PRRC2C: variants seen among roughly 807,000 people sequenced by gnomAD.
The protein encoded by PRRC2C is proline rich coiled-coil 2C.
A neutral mutation model predicts 317.2 loss-of-function variants in PRRC2C; 72 were observed. That is an observed-to-expected ratio of 0.23 (90% CI 0.19 to 0.28). The LOEUF (loss-of-function observed/expected upper bound fraction) is 0.28. PRRC2C is among the 10% of genes least tolerant of loss of function. The pLI, the probability that PRRC2C is intolerant of heterozygous loss-of-function variation, is 1.00. For missense variants in PRRC2C, 3,074 were observed against 3,459.7 expected, an observed-to-expected ratio of 0.89 and a Z score of 2.80; for synonymous variants, 1,296 against 1,205.9, an observed-to-expected ratio of 1.07 and a Z score of -1.55.
chr1:171,512,093 C>A lies in PRRC2C; in HGVS notation c.5C>A (p.Ser2Ter). Residue 2 changes from serine to a stop codon, truncating the protein, a stop_gained, in exon 2 of 35, where the codon TCG becomes TAG. Coordinates refer to ENST00000647382, the MANE Select transcript of PRRC2C (RefSeq NM_001387844.1). LOFTEE classifies it high-confidence loss of function. ...ACTCGATGAGTTTCCACCGAAATGT[C>A]GGAGAAGTCAGGCCAGAGCACAAAA... The part of the protein sequence containing the change: M[S>*]EKSGQSTKAK... 1.9e-6 allele frequency: 3 copies of A among 1,559,418 alleles called. No homozygotes were observed. Among genetic ancestry groups the A allele is most frequent in the South Asian group, 2.4e-5 (2 of 84,240 alleles).
intron 1 of PRRC2C, chr1:171,510,964 C>T (rs1671260200): frequency 6.6e-6 from 1 of 152,100 alleles, no homozygotes; most frequent in African/African-American, 2.4e-5. Context: ...ATTTTACATG[C>T]ATATAAAATG....
intron 11 of PRRC2C, among the ~76,000 whole-genome samples, chr1:171,530,343 A>G (rs975762822): frequency 1.4e-5 from 2 of 144,870 alleles, no homozygotes; most frequent in Admixed American, 7.3e-5. Flanking sequence ...TCCTGGGCTC[A>G]AGCGATCCTC....
At chr1:171,538,825 C>T (rs914409639) in intron 15 of PRRC2C, among the ~76,000 whole-genome samples, 1 of 152,168 alleles carries the variant, frequency 6.6e-6, no homozygotes, top group Non-Finnish European at 1.5e-5. Context: ...GATCCTCTCA[C>T]CTCAGCCTCC....
chr1:171,512,261 C>A, intron 2 of PRRC2C, 61 bp downstream of exon 2: 1 of 1,178,400 alleles, frequency 8.5e-7, no homozygotes, highest in African/African-American at 1.5e-5. Flanking sequence ...ATAAGTGATA[C>A]ACCTGCTGCT....
rs141739202 is a variant in PRRC2C, at chr1:171,555,625, A to G, written c.5128-1615A>G. Among the ~76,000 whole-genome samples the G allele has an allele frequency of 3.9e-3, 586 of 152,182 alleles. 3 individuals are homozygous for G. Among genetic ancestry groups the G allele is most frequent in the African/African-American group, 0.013 (535 of 41,530 alleles). On this transcript the variant is annotated intron_variant, in intron 18 of 34. Transcript: ENST00000647382. ...TTTTATTTACCTTTGGTCTTTGATG[A>G]TGGTGACCTACAGATGGGGTTTTGG...
intron 1 of PRRC2C, among the ~76,000 whole-genome samples, chr1:171,487,576 C>G (rs1666358486): frequency 6.6e-6 from 1 of 152,104 alleles, no homozygotes; most frequent in African/African-American, 2.4e-5. Context: ...AAAACTAACT[C>G]TACCATGTCG....
chr1:171,582,789 G>A (rs1268149702), intron 28 of PRRC2C, among the ~76,000 whole-genome samples: 1 of 151,290 alleles, frequency 6.6e-6, no homozygotes, highest in Non-Finnish European at 1.5e-5. Context: ...GTCAGTGAGT[G>A]AGTGGCGAGT....
rs1345642212 is a variant in PRRC2C, at chr1:171,568,387, A to T, written c.6651+48A>T. 5.8e-6 allele frequency: 9 copies of T among 1,553,824 alleles called. No individual in the cohort carries two copies. The East Asian group carries it at 9.5e-5, about 16-fold the overall frequency. On this transcript the variant is annotated intron_variant, in intron 23 of 34. Coordinates refer to ENST00000647382, the MANE Select transcript of PRRC2C (RefSeq NM_001387844.1). ...GGCAAGTTTGGATTGGAACCTGGCT[A>T]TTATTATCAAGCACATTATTTCATG... is the stretch of plus-strand genomic sequence containing the variant.
chr1:171,535,968 T>A (rs1458596735), intron 13 of PRRC2C, 61 bp from the exon 14 acceptor site: 2 of 1,525,452 alleles, frequency 1.3e-6, no homozygotes, highest in African/African-American at 2.8e-5. Flanking sequence ...GTGATATGAT[T>A]GATTATGTTA....
Position 171,517,793 on chromosome 1 carries a change from T to C in PRRC2C, c.729T>C (p.Tyr243=). ...NGQQAALASQ[Y]RAMMPPYMFQ... is the part of the protein sequence containing the mutation. ...AGCAGGCTGCTCTCGCTTCCCAGTA[T>C]AGAGCTATGATGCCTCCTTATGTGA... The change falls in exon 6 of 35, where the codon TAT becomes TAC. Residue 243 remains tyrosine (Y), a synonymous_variant. Transcript: ENST00000647382. 6.2e-7 allele frequency: 1 copy of C among 1,613,266 alleles called. No individual in the cohort carries two copies. Among genetic ancestry groups the C allele is most frequent in the East Asian group, 2.2e-5 (1 of 44,886 alleles).
chr1:171,578,785 G>A (rs748053579), intron 26 of PRRC2C, among the ~76,000 whole-genome samples: 1 of 151,836 alleles, frequency 6.6e-6, no homozygotes, highest in African/African-American at 2.4e-5. Flanking sequence ...GCTTGAACCC[G>A]GGAGGTGGAG....
intron 20 of PRRC2C, among the ~76,000 whole-genome samples, chr1:171,563,595 T>A (rs1158828332): frequency 6.6e-6 from 1 of 152,186 alleles, no homozygotes; most frequent in Non-Finnish European, 1.5e-5. Context: ...ATTTTAATTT[T>A]TGTATAGCCT....
At chr1:171,491,344 A>T (rs933924104) in intron 1 of PRRC2C, among the ~76,000 whole-genome samples, 3 of 152,224 alleles carry the variant, frequency 2.0e-5, no homozygotes, top group Admixed American at 6.5e-5. Context: ...AAGATGCTGG[A>T]CTGAAGGAAG....
At chr1:171,547,649 T>TG (rs1456228915) in intron 17 of PRRC2C, among the ~76,000 whole-genome samples, 3 of 147,940 alleles carry the variant, frequency 2.0e-5, no homozygotes, top group African/African-American at 7.5e-5. Context: ...TTTTTTTGTT[T>TG]TTTTTTTTTT....
At chr1:171,493,318 A>G (rs1667524872) in intron 1 of PRRC2C, among the ~76,000 whole-genome samples, 1 of 152,172 alleles carries the variant, frequency 6.6e-6, no homozygotes, top group Admixed American at 6.5e-5. Context: ...ATAACATTCA[A>G]CATACTTTGG....
Position 171,541,813 on chromosome 1 carries a change from A to G in PRRC2C, c.4347A>G (p.Ser1449=). 1 of 1,613,974 alleles carries G rather than the reference A, an allele frequency of 6.2e-7. No individual in the cohort carries two copies. Among genetic ancestry groups the G allele is most frequent in the Non-Finnish European group, 8.5e-7 (1 of 1,179,896 alleles). ...FRRLREREAA[S]KSNEVVAVPT... is the part of the protein sequence containing the mutation. Reference sequence around the variant, plus strand: ...GGCTAAGAGAGAGGGAGGCTGCTTCAAAATCAAATGAGGTGGTAGCAGTGC... The same window carrying G: ...GGCTAAGAGAGAGGGAGGCTGCTTCGAAATCAAATGAGGTGGTAGCAGTGC... The change falls in exon 16 of 35, where the codon TCA becomes TCG. Residue 1449 remains serine (S), a synonymous_variant. Coordinates refer to ENST00000647382, the MANE Select transcript of PRRC2C (RefSeq NM_001387844.1). This position sits in a 1 kb window ranked among gnomAD's most constrained non-coding sequence, Gnocchi z 4.1.
At chr1:171,509,155 G>A (rs1313817329) in intron 1 of PRRC2C, among the ~76,000 whole-genome samples, 1 of 152,206 alleles carries the variant, frequency 6.6e-6, no homozygotes, top group Non-Finnish European at 1.5e-5. Context: ...AAAGTGCTGG[G>A]ATTACAGGCC....
At chr1:171,486,007 G>GC (rs1392811279) in intron 1 of PRRC2C, among the ~76,000 whole-genome samples, 1 of 151,880 alleles carries the variant, frequency 6.6e-6, no homozygotes, top group East Asian at 1.9e-4. Context: ...GGTCTGTCTT[G>GC]CTCCCACCTA....
chr1:171,530,404 C>T (rs897998708), intron 11 of PRRC2C, among the ~76,000 whole-genome samples: 11 of 151,564 alleles, frequency 7.3e-5, no homozygotes, highest in South Asian at 6.3e-4. Flanking sequence ...CCTCTATGCC[C>T]GGCTAATTTT....
Sources: allele counts gnomAD v4.1 joint callset (sites outside exome capture counted in the v4.1 genomes callset), GRCh38; gene constraint gnomAD v4.1.1; non-coding constraint Gnocchi (gnomAD v3.1); transcripts MANE v1.5; gene names NCBI Gene and HGNC (gene_info 2026-07-23, HGNC 2026-07-21).